Variants in IQCH observed in about 807,000 individuals in gnomAD.
IQCH encodes the protein IQ domain-containing protein H.
A neutral mutation model predicts 117.0 loss-of-function variants in IQCH; 98 were observed. That is an observed-to-expected ratio of 0.84 (90% CI 0.71 to 0.99). IQCH has a LOEUF of 0.99. IQCH is among the 50% of genes least tolerant of loss of function. The pLI is 0.00. For synonymous variants in IQCH, 412 were observed against 448.2 expected, an observed-to-expected ratio of 0.92 and a Z score of 1.02; for missense variants, 1,102 against 1,243.8, an observed-to-expected ratio of 0.89 and a Z score of 1.72.
chr15:67,461,607 T>C (rs551071976), intron 16 of IQCH, among the ~76,000 whole-genome samples: 4 of 152,368 alleles, frequency 2.6e-5, no homozygotes, highest in African/African-American at 9.6e-5. Context: ...AGGAAAAGGC[T>C]GAAGAAAATT....
rs1000558236 is a variant in IQCH at position 67,454,580 on chromosome 15, C to A, written c.2506-10547C>A. On this transcript the variant is annotated intron_variant, in intron 16 of 20. Transcript: ENST00000335894. This position sits in a 1 kb window ranked among gnomAD's most constrained non-coding sequence, Gnocchi z 5.2. ...GTCACTCCCCATACCTCCTTCCTCA[C>A]AGCCACTGGAAAACATTTTCCATCT... Among the ~76,000 whole-genome samples the A allele has an allele frequency of 4.6e-5, 7 of 152,204 alleles. No homozygotes were observed. Among genetic ancestry groups the A allele is most frequent in the African/African-American group, 1.4e-4 (6 of 41,444 alleles).
rs1183119566 is a variant in IQCH at position 67,395,433 on chromosome 15, A to C, written c.1775A>C (p.Asp592Ala). ...GATTTAGCTGTGGCCGATATGTTAG[A>C]CATACCCATCCTGGGCTCTGAGCCT... ...RDDLAVADML[D>A]IPILGSEPEL... Residue 592 changes from aspartate (D) to alanine (A), a missense_variant, in exon 13 of 21, where the codon GAC (aspartate) becomes GCC (alanine). Physicochemically the swap from Asp to Ala is moderately radical, Grantham distance 126. This residue lies in a region of IQCH where 650 missense variants were observed against 794.3 expected (regional missense o/e 0.82). Coordinates refer to ENST00000335894, the MANE Select transcript of IQCH (RefSeq NM_001031715.3). The surrounding 1 kb of genome is among the most constrained non-coding windows in gnomAD (Gnocchi z 4.0). 1.2e-5 allele frequency: 19 copies of C among 1,614,058 alleles called. No individual in the cohort carries two copies. The highest frequency in any genetic ancestry group is 1.6e-5 in the Non-Finnish European group (19 of 1,179,972).
rs1218414240 is a variant in IQCH, at chr15:67,369,349, C to A, written c.754-2762C>A. Among the ~76,000 whole-genome samples the A allele has an allele frequency of 1.3e-5, 2 of 151,972 alleles. No homozygotes were observed. The highest frequency in any genetic ancestry group is 2.9e-5 in the Non-Finnish European group (2 of 68,020). On this transcript the variant is annotated intron_variant, in intron 8 of 20. Transcript: ENST00000335894. This position sits in a 1 kb window ranked among gnomAD's most constrained non-coding sequence, Gnocchi z 5.2. Reference sequence around the variant, plus strand: ...ATCTCGCAAAGGTATGATTGTGACCCAAGAAGCACCAGGTGAGAATACAAT... The same window carrying A: ...ATCTCGCAAAGGTATGATTGTGACCAAAGAAGCACCAGGTGAGAATACAAT...
rs117965434 is a variant in IQCH, at chr15:67,491,260, C to A, written c.2861+1196C>A. Among the ~76,000 whole-genome samples the A allele has an allele frequency of 4.8e-4, 73 of 152,214 alleles. 2 individuals are homozygous for A. In the East Asian group the frequency reaches 5.8e-3, roughly 12 times the overall value. The stretch of plus-strand genomic sequence containing the variant: ...GGAAACTGATCCAAAGAGGTGCACA[C>A]TACAAGCAAATGGCTGCATAGGACA... On this transcript the variant is annotated intron_variant, in intron 19 of 20. Transcript: ENST00000335894. This position sits in a 1 kb window ranked among gnomAD's most constrained non-coding sequence, Gnocchi z 4.9.
At chr15:67,477,907 T>C (rs1261222460) in intron 18 of IQCH, among the ~76,000 whole-genome samples, 3 of 152,206 alleles carry the variant, frequency 2.0e-5, no homozygotes, top group Non-Finnish European at 2.9e-5. Flanking sequence ...CAAGTACCCT[T>C]GGGGTAAGTA....
rs1023630393 is a variant in IQCH at position 67,500,220 on chromosome 15, AT to A, written c.2971-409del. On this transcript the variant is annotated intron_variant, in intron 20 of 20. Coordinates refer to ENST00000335894, the MANE Select transcript of IQCH (RefSeq NM_001031715.3). The surrounding 1 kb of genome is among the most constrained non-coding windows in gnomAD (Gnocchi z 4.4). ...CCTTCCCATCAGCCTATTAGCCCTC[AT>A]TTTAGGGTGACTAGACCAATGCTTC... is the stretch of plus-strand genomic sequence containing the variant. Among the ~76,000 whole-genome samples the A allele has an allele frequency of 6.6e-6, 1 of 152,174 alleles. No individual in the cohort carries two copies. Among genetic ancestry groups the A allele is most frequent in the African/African-American group, 2.4e-5 (1 of 41,450 alleles).
intron 14 of IQCH, among the ~76,000 whole-genome samples, chr15:67,415,889 T>TA (rs886322040): frequency 2.6e-5 from 4 of 151,852 alleles, no homozygotes; most frequent in Non-Finnish European, 4.4e-5. Flanking sequence ...AAATCAAATC[T>TA]AAAAAAAATA....
In IQCH at chr15:67,385,689, G is replaced by C. The variant is rs1199219578; in HGVS notation, c.1456+670G>C. Among the ~76,000 whole-genome samples the C allele has an allele frequency of 6.6e-6, 1 of 152,068 alleles. No individual in the cohort carries two copies. The highest frequency in any genetic ancestry group is 2.4e-5 in the African/African-American group (1 of 41,416). ...TTTGGTTGACACTGTTCAAGGCCCG[G>C]GTTCCGATTAGGCTCTAAGAATATA... On this transcript the variant is annotated intron_variant, in intron 11 of 20. Transcript: ENST00000335894. The surrounding 1 kb of genome is among the most constrained non-coding windows in gnomAD (Gnocchi z 4.6).
chr15:67,372,783 C>A (rs1450692154), intron 9 of IQCH, 121 bp downstream of exon 9: 2 of 783,444 alleles, frequency 2.6e-6, no homozygotes, highest in South Asian at 3.7e-5. Flanking sequence ...TTGCCTCAGA[C>A]TCCCACGCCT....
intron 3 of IQCH, among the ~76,000 whole-genome samples, chr15:67,274,797 A>T (rs1966053151): frequency 6.6e-6 from 1 of 151,720 alleles, no homozygotes; most frequent in Non-Finnish European, 1.5e-5. Context: ...TTTTTAATGG[A>T]TATGCTTGCT....
intron 10 of IQCH, among the ~76,000 whole-genome samples, chr15:67,380,199 T>C (rs530942132): frequency 1.5e-4 from 23 of 152,218 alleles, no homozygotes; most frequent in Non-Finnish European, 2.9e-4. Flanking sequence ...CAACTGGCTT[T>C]AGTTGCATGC....
chr15:67,439,659 G>A (rs2082217446), intron 16 of IQCH, among the ~76,000 whole-genome samples: 1 of 152,120 alleles, frequency 6.6e-6, no homozygotes. Flanking sequence ...GCCGAGGTGG[G>A]CGGATCACCT....
Position 67,385,074 on chromosome 15 carries a change from T to G in IQCH, c.1456+55T>G. ...CTTTGGAATGTTTATCAGTGGATGTTGATAGAATGTGTTGTTTTGTTTGTT... is the reference window on the plus strand; with the variant it reads ...CTTTGGAATGTTTATCAGTGGATGTGGATAGAATGTGTTGTTTTGTTTGTT... On this transcript the variant is annotated intron_variant, in intron 11 of 20. Coordinates refer to ENST00000335894, the MANE Select transcript of IQCH (RefSeq NM_001031715.3). The surrounding 1 kb of genome is among the most constrained non-coding windows in gnomAD (Gnocchi z 4.6). The G allele has an allele frequency of 9.4e-7, 1 of 1,069,454 alleles. No individual in the cohort carries two copies. The highest frequency in any genetic ancestry group is 1.4e-6 in the Non-Finnish European group (1 of 696,006). The allele number at this position is 1,069,454 out of a possible 1,614,324, so 66.2% of individuals were successfully genotyped here.
At chr15:67,354,652 C>T (rs1969812345) in intron 6 of IQCH, among the ~76,000 whole-genome samples, 1 of 152,000 alleles carries the variant, frequency 6.6e-6, no homozygotes, top group Non-Finnish European at 1.5e-5. Context: ...GAGGGAGAGA[C>T]GGGAACAGGT....
chr15:67,307,526 G>C (rs1967363683), intron 4 of IQCH, among the ~76,000 whole-genome samples: 1 of 152,002 alleles, frequency 6.6e-6, no homozygotes, highest in Admixed American at 6.6e-5. Flanking sequence ...TAGGGAGTGG[G>C]AGTGGAGAAA....
At position 67,254,968 on chromosome 15, in the gene IQCH, G is replaced by GGCCCT. The variant is rs755260706; in HGVS notation, c.51+31_51+35dup. 105 of 1,608,858 alleles carry GGCCCT rather than the reference G, an allele frequency of 6.5e-5. 1 individual carries two copies. The Admixed American group carries it at 1.6e-3, about 24-fold the overall frequency. On this transcript the variant is annotated intron_variant, in intron 1 of 20. Transcript: ENST00000335894. ...TCCAGGTGGGAAACGGGCTTCCCCC[G>GGCCCT]GCCCTGCCCTGCCCAGCCGCGCCAC...
rs1319745864 is a variant in IQCH, at chr15:67,432,921, G to A, written c.2505+11344G>A. ...CATTTGCAAGATCTCCCCTATCTCT[G>A]TTTTCAAGATATACAAGGTATTCAC... On this transcript the variant is annotated intron_variant, in intron 16 of 20. Transcript: ENST00000335894. The surrounding 1 kb of genome is among the most constrained non-coding windows in gnomAD (Gnocchi z 5.0). 2.6e-5 allele frequency among the ~76,000 whole-genome samples: 4 copies of A among 152,066 alleles called. No homozygotes were observed. Among genetic ancestry groups the A allele is most frequent in the African/African-American group, 9.7e-5 (4 of 41,422 alleles).
intron 14 of IQCH, among the ~76,000 whole-genome samples, chr15:67,414,760 A>G (rs2081535805): frequency 6.6e-6 from 1 of 151,778 alleles, no homozygotes; most frequent in African/African-American, 2.4e-5. Context: ...AATTTTTGCT[A>G]TATAGATGAA....
intron 4 of IQCH, chr15:67,281,678 T>C (rs1290112266): frequency 2.2e-6 from 1 of 454,178 alleles, no homozygotes; most frequent in Admixed American, 2.3e-5. Context: ...GGAGATTCTC[T>C]ACAGAAGCAA....
Sources: allele counts gnomAD v4.1 joint callset (sites outside exome capture counted in the v4.1 genomes callset), GRCh38; gene constraint gnomAD v4.1.1; regional missense constraint gnomAD v4.1.1; non-coding constraint Gnocchi (gnomAD v3.1); transcripts MANE v1.5; gene names NCBI Gene and HGNC (gene_info 2026-07-23, HGNC 2026-07-21).